The following YTHDF1 variants were observed in gnomAD, a reference collection of about 807,000 sequenced individuals.
YTHDF1 encodes the protein YTH N6-methyladenosine RNA binding protein F1, also known as YTH domain-containing family protein 1.
A neutral mutation model predicts 49.1 loss-of-function variants in YTHDF1; 16 were observed. The ratio of observed to expected loss-of-function variants is 0.33; its 90% CI spans 0.22 to 0.49. The LOEUF is 0.49. YTHDF1 is among the 20% of genes least tolerant of loss of function. The pLI is 0.99. For missense variants in YTHDF1, 621 were observed against 744.3 expected, an observed-to-expected ratio of 0.83 and a Z score of 1.93; for synonymous variants, 313 against 290.1, an observed-to-expected ratio of 1.08 and a Z score of -0.80.
chr20:63,201,911 G>A (rs6122393), intron 4 of YTHDF1, among the ~76,000 whole-genome samples: 45,763 of 152,164 alleles, frequency 0.3, 6,844 homozygotes, highest in Middle Eastern at 0.42. Context: ...CCTCATGGAC[G>A]GAGGCTGGGA....
chr20:63,213,934 C>G lies in YTHDF1; in HGVS notation c.62G>C (p.Gly21Ala). 6.4e-7 allele frequency: 1 copy of G among 1,560,470 alleles called. No individual in the cohort carries two copies. Among genetic ancestry groups the G allele is most frequent in the Non-Finnish European group, 8.6e-7 (1 of 1,163,732 alleles). ...TKGQDNKVQN[G>A]SLHQKDTVHD... ...AACTGTATCCTTCTGATGTAACGAA[C>G]CATTTTGTACTAGAACAAAAAGTTG... Residue 21 changes from glycine (G) to alanine (A), a missense_variant, in exon 3 of 5, where the codon GGT becomes GCT. Gly to Ala is a moderately conservative substitution (Grantham distance 60). Coordinates refer to ENST00000370339, the MANE Select transcript of YTHDF1 (RefSeq NM_017798.4).
chr20:63,215,195 G>A (rs980498357), intron 2 of YTHDF1, among the ~76,000 whole-genome samples: 1 of 152,174 alleles, frequency 6.6e-6, no homozygotes, highest in Non-Finnish European at 1.5e-5. Context: ...TGCAACTACC[G>A]GGGATGTGGA....
At position 63,203,282 on chromosome 20, in the gene YTHDF1, C is replaced by T. The variant is rs893603836; in HGVS notation, c.658G>A (p.Gly220Ser). ...ACTGGCATGTTCACATTTGTCCCAC[C>T]GTTGCCAGAAAGGACACCAGTCAGT... is the stretch of plus-strand genomic sequence containing the variant. ...VALTGVLSGN[G>S]GTNVNMPVSK... is the part of the protein sequence containing the mutation. Residue 220 changes from glycine (G) to serine (S), a missense_variant, in exon 4 of 5, where the codon GGT becomes AGT. Physicochemically the swap from Gly to Ser is moderately conservative, Grantham distance 56 (BLOSUM62 0). Around this residue, in one of 2 missense-constraint regions of YTHDF1, gnomAD observed 470 missense variants for 495.8 expected, o/e 0.95. Coordinates refer to ENST00000370339, the MANE Select transcript of YTHDF1 (RefSeq NM_017798.4). The surrounding 1 kb of genome is among the most constrained non-coding windows in gnomAD (Gnocchi z 4.4). The T allele has an allele frequency of 1.9e-6, 3 of 1,613,756 alleles. No homozygotes were observed. The highest frequency in any genetic ancestry group is 1.3e-5 in the African/African-American group (1 of 74,946).
chr20:63,201,380 G>C (rs189176836), intron 4 of YTHDF1, among the ~76,000 whole-genome samples: 2 of 152,298 alleles, frequency 1.3e-5, no homozygotes, highest in East Asian at 3.9e-4. Flanking sequence ...TTCAGGAAGG[G>C]ATATTTTTTA....
chr20:63,199,772 T>A lies in YTHDF1; in HGVS notation c.1653+2515A>T, dbSNP rs534506359. 1.8e-4 allele frequency among the ~76,000 whole-genome samples: 28 copies of A among 152,008 alleles called. No individual in the cohort carries two copies. In the South Asian group the frequency reaches 5.4e-3, roughly 29 times the overall value. ...CACTGCCCAATAAGCTTAAAAGATA[T>A]TTGACGCCGGGCACAGTGGCTCATT... On this transcript the variant is annotated intron_variant, in intron 4 of 4. Transcript: ENST00000370339.
At position 63,202,617 on chromosome 20, in the gene YTHDF1, A is replaced by G; in HGVS notation, c.1323T>C (p.Asn441=). The G allele has an allele frequency of 3.7e-6, 6 of 1,613,994 alleles. No homozygotes were observed. Among genetic ancestry groups the G allele is most frequent in the Non-Finnish European group, 5.1e-6 (6 of 1,180,020 alleles). Residue 441 remains asparagine (N), a synonymous_variant, in exon 4 of 5, where the codon AAT becomes AAC. Transcript: ENST00000370339. ...CCACCCCACAAAAATGCCCACTCCCATTGACGCTGAAGAGCAGGTAGACGG... is the reference window on the plus strand; with the variant it reads ...CCACCCCACAAAAATGCCCACTCCCGTTGACGCTGAAGAGCAGGTAGACGG... ...KGPVYLLFSV[N]GSGHFCGVAE...
chr20:63,203,721 AGCCT>A lies in YTHDF1; in HGVS notation c.215_218del (p.Glu72ValfsTer108). The A allele has an allele frequency of 6.2e-7, 1 of 1,614,158 alleles. No individual in the cohort carries two copies. The highest frequency in any genetic ancestry group is 8.5e-7 in the Non-Finnish European group (1 of 1,180,022). Reference sequence around the variant, plus strand: ...GAGGGTCCCCTGCAGTAGACCACGGAGCCTCATTGAGGGAGTAAGGAAATCCAAT... The same window carrying A: ...GAGGGTCCCCTGCAGTAGACCACGGACATTGAGGGAGTAAGGAAATCCAAT... On this transcript the variant is annotated frameshift_variant, in exon 4 of 5. Coordinates refer to ENST00000370339, the MANE Select transcript of YTHDF1 (RefSeq NM_017798.4). LOFTEE classifies it high-confidence loss of function. The surrounding 1 kb of genome is among the most constrained non-coding windows in gnomAD (Gnocchi z 4.4).
chr20:63,203,912 A>C lies in YTHDF1; in HGVS notation c.133-105T>G. 1 of 1,054,326 alleles carries C rather than the reference A, an allele frequency of 9.5e-7. No homozygotes were observed. The highest frequency in any genetic ancestry group is 1.4e-6 in the Non-Finnish European group (1 of 740,402). 65.3% of individuals were successfully genotyped at this position (1,054,326 alleles called of 1,614,324 possible). A position where few individuals can be genotyped will look rare whatever the true frequency, so the allele number is the denominator to read the frequency against. ...CAGGTGGAGCAAAAACAAAACCTGC[A>C]CAGCATGGGGCTACTCCTTCCAGAA... On this transcript the variant is annotated intron_variant, in intron 3 of 4. Transcript: ENST00000370339. This position sits in a 1 kb window ranked among gnomAD's most constrained non-coding sequence, Gnocchi z 4.4.
intron 3 of YTHDF1, among the ~76,000 whole-genome samples, chr20:63,207,401 G>A (rs1213607514): frequency 6.6e-6 from 1 of 151,860 alleles, no homozygotes; most frequent in Non-Finnish European, 1.5e-5. Context: ...CCCGGGAGGC[G>A]GAGCTTGCAG....
Position 63,203,508 on chromosome 20 carries a change from G to A in YTHDF1, c.432C>T (p.Ser144=), listed in dbSNP as rs761002644. ...TSGSQGQQTQ[S]SAYGSSYTYP... ...AGGTGTAGCTGCTCCCATACGCGGA[G>A]CTCTGGGTCTGCTGACCTTGAGACC... The change falls in exon 4 of 5, where the codon AGC becomes AGT. Residue 144 remains serine, a synonymous_variant. Transcript: ENST00000370339. This position sits in a 1 kb window ranked among gnomAD's most constrained non-coding sequence, Gnocchi z 4.4. The A allele has an allele frequency of 1.2e-6, 2 of 1,613,872 alleles. No individual in the cohort carries two copies. The highest frequency in any genetic ancestry group is 2.2e-5 in the East Asian group (1 of 44,874).
At chr20:63,196,928 G>A (rs2066495223) in intron 4 of YTHDF1, among the ~76,000 whole-genome samples, 194 bp from the exon 5 acceptor site, 2 of 152,152 alleles carry the variant, frequency 1.3e-5, no homozygotes, top group African/African-American at 4.8e-5. Context: ...GCCACACTGG[G>A]CATGGCATTC....
At chr20:63,201,705 A>T (rs1001032235) in intron 4 of YTHDF1, among the ~76,000 whole-genome samples, 3 of 152,206 alleles carry the variant, frequency 2.0e-5, no homozygotes, top group African/African-American at 7.2e-5. Flanking sequence ...TACGACCTAG[A>T]TGGAGTGAGT....
rs2066600427 is a variant in YTHDF1 at position 63,215,952 on chromosome 20, G to A, written c.-60C>T. 3 of 1,244,118 alleles carry A rather than the reference G, an allele frequency of 2.4e-6. No homozygotes were observed. Among genetic ancestry groups the A allele is most frequent in the Non-Finnish European group, 3.0e-6 (3 of 989,744 alleles). The allele number at this position is 1,244,118 out of a possible 1,614,324, so 77.1% of individuals were successfully genotyped here. ...CCGCCGGCTCGGGCCTCCCCTAGAG[G>A]CCGGGCCTGTCACCCTAGCTCGCGC... On this transcript the variant is annotated 5_prime_UTR_variant, in exon 1 of 5. Coordinates refer to ENST00000370339, the MANE Select transcript of YTHDF1 (RefSeq NM_017798.4).
At chr20:63,215,769 C>T in intron 1 of YTHDF1, 97 bp downstream of exon 1, 1 of 1,378,374 alleles carries the variant, frequency 7.3e-7, no homozygotes, top group Non-Finnish European at 9.4e-7. Flanking sequence ...CTGGGCCCGG[C>T]CTCCGCGACC....
Position 63,202,971 on chromosome 20 carries a change from T to C in YTHDF1, c.969A>G (p.Pro323=). Residue 323 remains proline, a synonymous_variant, in exon 4 of 5, where the codon CCA becomes CCG. Coordinates refer to ENST00000370339, the MANE Select transcript of YTHDF1 (RefSeq NM_017798.4). The stretch of plus-strand genomic sequence containing the variant: ...GTGGGGCAACCCAGCGGGTCTGGGG[T>C]GGCTGCTGAGGGCTCTGATACTGCG... ...AQPQYQSPQQ[P]PQTRWVAPRN... 1 of 1,613,584 alleles carries C rather than the reference T, an allele frequency of 6.2e-7. No homozygotes were observed. Among genetic ancestry groups the C allele is most frequent in the South Asian group, 1.1e-5 (1 of 91,064 alleles).
chr20:63,213,199 A>G (rs2066583940), intron 3 of YTHDF1, among the ~76,000 whole-genome samples: 1 of 152,266 alleles, frequency 6.6e-6, no homozygotes, highest in East Asian at 1.9e-4. Flanking sequence ...TGGGAGGCCG[A>G]GGCGGGTGGA....
chr20:63,206,600 T>C (rs756545407), intron 3 of YTHDF1, among the ~76,000 whole-genome samples: 6 of 152,212 alleles, frequency 3.9e-5, no homozygotes, highest in Non-Finnish European at 8.8e-5. Flanking sequence ...GTGACGCTAA[T>C]CAGCTCTGCT....
At chr20:63,199,978 CAGG>C (rs2066510385) in intron 4 of YTHDF1, among the ~76,000 whole-genome samples, 1 of 151,924 alleles carries the variant, frequency 6.6e-6, no homozygotes, top group Admixed American at 6.6e-5. Flanking sequence ...CGCTTGAGCC[CAGG>C]AGGTCAAGGC....
chr20:63,209,932 G>C (rs972629363), intron 3 of YTHDF1, among the ~76,000 whole-genome samples: 1 of 152,134 alleles, frequency 6.6e-6, no homozygotes, highest in African/African-American at 2.4e-5. Context: ...AGTTGACTTT[G>C]TTTCTAGTAA....
Sources: allele counts gnomAD v4.1 joint callset (sites outside exome capture counted in the v4.1 genomes callset), GRCh38; gene constraint gnomAD v4.1.1; regional missense constraint gnomAD v4.1.1; non-coding constraint Gnocchi (gnomAD v3.1); transcripts MANE v1.5; gene names NCBI Gene and HGNC (gene_info 2026-07-23, HGNC 2026-07-21).